Variants in KLHL29 observed in about 807,000 individuals in gnomAD.
KLHL29 encodes the protein kelch-like protein 29.
KLHL29 carries 21 observed loss-of-function variants against 80.4 expected under a neutral mutation model. That is an observed-to-expected ratio of 0.26 (90% confidence interval 0.19 to 0.38). The LOEUF is 0.38. Ranked by LOEUF, KLHL29 falls within the 10% of genes least tolerant of loss-of-function variation. KLHL29 has a pLI of 1.00. For synonymous variants in KLHL29, 511 were observed against 526.8 expected, an observed-to-expected ratio of 0.97 and a Z score of 0.41; for missense variants, 867 against 1,223.9, an observed-to-expected ratio of 0.71 and a Z score of 4.35.
chr2:23,497,102 T>A lies in KLHL29; in HGVS notation c.-46+21435T>A, dbSNP rs1003971735. The stretch of plus-strand genomic sequence containing the variant: ...ATGAGCCCTTTAGAATGACTTAATG[T>A]CCAATCATAGCCACCTTTACCAGGC... On this transcript the variant is annotated intron_variant, in intron 2 of 13. Coordinates refer to ENST00000486442, the MANE Select transcript of KLHL29 (RefSeq NM_052920.2). Among the ~76,000 whole-genome samples, 52 of 152,080 alleles carry A rather than the reference T, an allele frequency of 3.4e-4. 1 individual carries two copies. The highest frequency in any genetic ancestry group is 1.2e-3 in the African/African-American group (50 of 41,406).
chr2:23,403,481 G>C (rs1666643781), intron 1 of KLHL29, among the ~76,000 whole-genome samples: 1 of 152,068 alleles, frequency 6.6e-6, no homozygotes, highest in East Asian at 1.9e-4. Flanking sequence ...CAAGATTTGG[G>C]GCTTTCTTAA....
chr2:23,706,099 T>C (rs1269175054), intron 13 of KLHL29, among the ~76,000 whole-genome samples: 1 of 152,212 alleles, frequency 6.6e-6, no homozygotes, highest in African/African-American at 2.4e-5. Flanking sequence ...GTCATTCTTG[T>C]GAGTCATGTT....
chr2:23,491,392 T>C (rs1252453271), intron 2 of KLHL29, among the ~76,000 whole-genome samples: 3 of 152,118 alleles, frequency 2.0e-5, no homozygotes, highest in Non-Finnish European at 4.4e-5. Context: ...GTTCCTGTAG[T>C]GATGGCTTTC....
At position 23,703,801 on chromosome 2, in the gene KLHL29, C is replaced by T. The variant is rs368696669; in HGVS notation, c.2382C>T (p.Tyr794=). The part of the protein sequence containing the change: ...GGAYARATTI[Y]DPEKGNIKAG... ...CTTATGCCAGAGCTACCACCATCTACGACCCTGAGAAAGGAAACATTAAGG... is the reference window on the plus strand; with the variant it reads ...CTTATGCCAGAGCTACCACCATCTATGACCCTGAGAAAGGAAACATTAAGG... The change falls in exon 13 of 14, where the codon TAC becomes TAT. Residue 794 remains tyrosine (Y), a synonymous_variant. Transcript: ENST00000486442. 14 of 1,537,372 alleles carry T rather than the reference C, an allele frequency of 9.1e-6. No homozygotes were observed. Among genetic ancestry groups the T allele is most frequent in the Non-Finnish European group, 1.2e-5 (14 of 1,146,976 alleles).
chr2:23,405,884 G>T (rs1666714333), intron 1 of KLHL29, among the ~76,000 whole-genome samples: 1 of 152,180 alleles, frequency 6.6e-6, no homozygotes, highest in African/African-American at 2.4e-5. Context: ...TGGCCTTAAA[G>T]GATGGGTAGG....
Position 23,532,108 on chromosome 2 carries a change from A to G in KLHL29, c.-45-30044A>G, listed in dbSNP as rs181624784. On this transcript the variant is annotated intron_variant, in intron 2 of 13. Transcript: ENST00000486442. ...CCTATTCCACAACGACCCCCCACAG[A>G]CCAGAACCCGCTCCACTGGGGCCAT... Among the ~76,000 whole-genome samples, 154 of 152,212 alleles carry G rather than the reference A, an allele frequency of 1.0e-3. 1 individual carries two copies. The highest frequency in any genetic ancestry group is 6.2e-3 in the South Asian group (30 of 4,816).
chr2:23,599,278 A>G (rs587578), intron 3 of KLHL29, among the ~76,000 whole-genome samples: 4,326 of 152,220 alleles, frequency 0.028, 188 homozygotes, highest in African/African-American at 0.096. Context: ...TTCTTCATTT[A>G]TCAAGTAGGG....
intron 2 of KLHL29, among the ~76,000 whole-genome samples, chr2:23,517,098 A>G (rs1016606233): frequency 1.3e-5 from 2 of 152,244 alleles, no homozygotes; most frequent in African/African-American, 4.8e-5. Context: ...GGTTTCGTGC[A>G]GAAAGCCCTG....
intron 11 of KLHL29, chr2:23,697,039 C>CAGAG (rs1385846885): frequency 6.4e-6 from 1 of 155,240 alleles, no homozygotes; most frequent in Non-Finnish European, 1.4e-5. Flanking sequence ...GTTCGTAATA[C>CAGAG]AGAGAAAGGC....
rs922561227 is a variant in KLHL29, at chr2:23,600,251, C to T, written c.285+37770C>T. On this transcript the variant is annotated intron_variant, in intron 3 of 13. Transcript: ENST00000486442. The stretch of plus-strand genomic sequence containing the variant: ...GCTTTTCAACAATTTTCTAAGCCTC[C>T]GGATGGAAGGGGACTCAGCATAATG... Among the ~76,000 whole-genome samples, 11 of 152,238 alleles carry T rather than the reference C, an allele frequency of 7.2e-5. No individual in the cohort carries two copies. In the South Asian group the frequency reaches 1.7e-3, roughly 23 times the overall value.
intron 1 of KLHL29, among the ~76,000 whole-genome samples, chr2:23,455,042 T>C (rs1403675282): frequency 6.6e-6 from 1 of 151,614 alleles, no homozygotes; most frequent in Non-Finnish European, 1.5e-5. Flanking sequence ...GCAGCCTCTG[T>C]GCAATCAGTT....
intron 2 of KLHL29, among the ~76,000 whole-genome samples, chr2:23,533,098 CTCAGTTTT>C (rs1666550899): frequency 6.6e-6 from 1 of 152,118 alleles, no homozygotes; most frequent in African/African-American, 2.4e-5. Flanking sequence ...GAGAGCGTCT[CTCAGTTTT>C]TCCTGAGCAC....
chr2:23,671,264 C>G (rs1288175910), intron 5 of KLHL29, among the ~76,000 whole-genome samples: 2 of 151,972 alleles, frequency 1.3e-5, no homozygotes, highest in East Asian at 1.9e-4. Flanking sequence ...TTTACTGGAG[C>G]AGGAGGAGGA....
At chr2:23,633,660 G>A (rs1669527051) in intron 3 of KLHL29, among the ~76,000 whole-genome samples, 1 of 152,052 alleles carries the variant, frequency 6.6e-6, no homozygotes, top group African/African-American at 2.4e-5. Context: ...GAGGGTCTAA[G>A]ATACCAAGGC....
intron 3 of KLHL29, among the ~76,000 whole-genome samples, chr2:23,595,596 G>A (rs1186176510): frequency 6.6e-6 from 1 of 152,208 alleles, no homozygotes; most frequent in East Asian, 1.9e-4. Context: ...CAGGAAGGGT[G>A]GCAGGCAGCG....
chr2:23,529,283 T>C (rs182277834), intron 2 of KLHL29, among the ~76,000 whole-genome samples: 160 of 152,156 alleles, frequency 1.1e-3, no homozygotes, highest in African/African-American at 3.6e-3. Context: ...CTAATTTTTT[T>C]CCCCATTTTC....
chr2:23,478,471 A>G (rs541799298), intron 2 of KLHL29, among the ~76,000 whole-genome samples: 95 of 152,266 alleles, frequency 6.2e-4, no homozygotes, highest in African/African-American at 2.2e-3. Context: ...TTCAAGAGCC[A>G]TGTGTGGAGG....
intron 1 of KLHL29, among the ~76,000 whole-genome samples, chr2:23,468,128 G>A (rs1255278716): frequency 6.6e-6 from 1 of 152,148 alleles, no homozygotes; most frequent in African/African-American, 2.4e-5. Context: ...TCGATGTTTA[G>A]TGGTATCATC....
At chr2:23,690,685 C>T (rs1314589649) in intron 6 of KLHL29, 1 of 152,232 alleles carries the variant, frequency 6.6e-6, no homozygotes, top group South Asian at 2.1e-4. Flanking sequence ...GGGCCGCCTC[C>T]GGACTCCTAA....
Sources: allele counts gnomAD v4.1 joint callset (sites outside exome capture counted in the v4.1 genomes callset), GRCh38; gene constraint gnomAD v4.1.1; transcripts MANE v1.5; gene names NCBI Gene and HGNC (gene_info 2026-07-23, HGNC 2026-07-21).